The following ZPBP variants were observed in gnomAD, a reference collection of about 807,000 sequenced individuals.
The protein encoded by ZPBP is zona pellucida binding protein.
In ZPBP, 26 loss-of-function variants were observed where a neutral mutation model predicts 44.8. The ratio of observed to expected loss-of-function variants is 0.58; its 90% confidence interval spans 0.43 to 0.81. The LOEUF is 0.81. Ranked by LOEUF, ZPBP falls within the 30% of genes least tolerant of loss-of-function variation. ZPBP has a pLI of 0.00. For missense variants in ZPBP, 409 were observed against 434.0 expected (o/e 0.94, Z 0.51); for synonymous variants, 174 against 153.2 (o/e 1.14, Z -1.00).
intron 3 of ZPBP, among the ~76,000 whole-genome samples, chr7:50,076,316 T>C (rs570195058): frequency 2.0e-5 from 3 of 152,052 alleles, no homozygotes; most frequent in African/African-American, 7.2e-5. Context: ...AGTATCATAC[T>C]GAATGGAGAA....
intron 7 of ZPBP, among the ~76,000 whole-genome samples, chr7:49,939,590 A>C (rs1022280249): frequency 9.2e-5 from 14 of 152,180 alleles, no homozygotes; most frequent in African/African-American, 3.4e-4. Context: ...TAAAGTACAA[A>C]AAAAAGTTAT....
intron 1 of ZPBP, among the ~76,000 whole-genome samples, chr7:50,091,073 A>C (rs1482463615): frequency 4.0e-5 from 6 of 151,792 alleles, no homozygotes; most frequent in Admixed American, 2.6e-4. Flanking sequence ...AGTGATGTTG[A>C]GCATTTTTTC....
the ZPBP span, among the ~76,000 whole-genome samples, chr7:49,841,074 G>A: frequency 3.3e-5 from 5 of 152,220 alleles, no homozygotes; most frequent in African/African-American, 1.2e-4. Flanking sequence ...CCAGAGGAAT[G>A]TGGACTGGAA....
At chr7:49,950,926 G>A (rs983432156) in intron 7 of ZPBP, among the ~76,000 whole-genome samples, 3 of 151,720 alleles carry the variant, frequency 2.0e-5, no homozygotes, top group South Asian at 2.1e-4. Context: ...AAACAGAATA[G>A]TGCACATAAA....
chr7:49,898,327 A>G lies in ZPBP; in HGVS notation n.509+2791T>C, dbSNP rs1459847659. On this transcript the variant is annotated intron_variant and non_coding_transcript_variant, in intron 2 of 2. Coordinates refer to the ZPBP transcript ENST00000465922. ...AAAACATCGAAGTTTTTTTTTTTAA[A>G]AAAACCTTCACTTATTCTTTCTATG... 3.9e-5 allele frequency among the ~76,000 whole-genome samples: 6 copies of G among 152,066 alleles called. No individual in the cohort carries two copies. The East Asian group carries it at 1.2e-3, about 29-fold the overall frequency.
rs1554361029 is a variant in ZPBP, at chr7:49,981,602, A to AGTTATAT, written c.961+1739_961+1740insATATAAC. ...AAATTATATATTATATAATTATATAAATTATATAATTATATTATATTATAT... is the reference window on the plus strand; with the variant it reads ...AAATTATATATTATATAATTATATAAGTTATATATTATATAATTATATTATATTATAT... On this transcript the variant is annotated intron_variant, in intron 7 of 7. Coordinates refer to ENST00000046087, the MANE Select transcript of ZPBP (RefSeq NM_007009.3). 5.5e-5 allele frequency among the ~76,000 whole-genome samples: 2 copies of AGTTATAT among 36,072 alleles called. 1 individual carries two copies. The highest frequency in any genetic ancestry group is 2.8e-4 in the African/African-American group (2 of 7,092). The allele number at this position is 36,072 out of a possible 152,430, so 23.7% of individuals were successfully genotyped here. A position where few individuals can be genotyped will look rare whatever the true frequency, so the allele number is the denominator to read the frequency against.
chr7:49,903,954 T>C (rs1312913122), intron 1 of ZPBP, among the ~76,000 whole-genome samples: 1 of 152,110 alleles, frequency 6.6e-6, no homozygotes, highest in Non-Finnish European at 1.5e-5. Context: ...GGCTCACAGA[T>C]TGGTTGGATC....
chr7:49,980,339 T>C (rs1315759550), intron 7 of ZPBP, among the ~76,000 whole-genome samples: 2 of 137,886 alleles, frequency 1.5e-5, no homozygotes, highest in East Asian at 4.0e-4. Flanking sequence ...ATATATTATA[T>C]AATACATAAT....
intron 7 of ZPBP, among the ~76,000 whole-genome samples, chr7:49,969,565 A>C (rs529409520): frequency 6.6e-6 from 1 of 151,540 alleles, no homozygotes; most frequent in South Asian, 2.1e-4. Context: ...GAAGAGAAAA[A>C]AGAAAGATAA....
chr7:50,007,332 G>T (rs1353310183), intron 6 of ZPBP, among the ~76,000 whole-genome samples: 1 of 151,986 alleles, frequency 6.6e-6, no homozygotes, highest in African/African-American at 2.4e-5. Context: ...TACAAAGCCT[G>T]CATCATGAAG....
At chr7:49,983,619 T>C in intron 6 of ZPBP, 100 bp from the exon 7 acceptor site, 2 of 718,800 alleles carry the variant, frequency 2.8e-6, no homozygotes, top group Non-Finnish European at 4.5e-6. Flanking sequence ...GAAAACAAAG[T>C]CTCAAGGTCA....
intron 7 of ZPBP, among the ~76,000 whole-genome samples, chr7:49,947,652 T>C (rs1267401185): frequency 6.6e-6 from 1 of 152,200 alleles, no homozygotes; most frequent in African/African-American, 2.4e-5. Flanking sequence ...CTGCACTGGG[T>C]CAGACCTGAA....
chr7:49,879,749 T>C (rs958250861), intron 2 of ZPBP, among the ~76,000 whole-genome samples: 3 of 152,204 alleles, frequency 2.0e-5, no homozygotes, highest in African/African-American at 7.2e-5. Flanking sequence ...TGGTTATTTT[T>C]TTAAATAGGC....
chr7:49,940,613 T>A (rs1351088085), intron 7 of ZPBP: 2 of 254,240 alleles, frequency 7.9e-6, no homozygotes, highest in East Asian at 1.8e-4. Flanking sequence ...ACAAGAGCTA[T>A]GGAAACCAGC....
intron 3 of ZPBP, among the ~76,000 whole-genome samples, chr7:50,068,229 G>A (rs1418714630): frequency 2.6e-5 from 4 of 152,104 alleles, no homozygotes; most frequent in African/African-American, 4.8e-5. Context: ...CTTATTGGAC[G>A]CCAGGTGGTT....
chr7:49,860,472 T>C (rs971390055), intron 2 of ZPBP, among the ~76,000 whole-genome samples: 3 of 152,232 alleles, frequency 2.0e-5, no homozygotes, highest in Admixed American at 6.5e-5. Context: ...ATTGTATGTA[T>C]ATGCCGTGAT....
At chr7:50,009,949 T>G (rs1798495472) in intron 6 of ZPBP, among the ~76,000 whole-genome samples, 1 of 152,074 alleles carries the variant, frequency 6.6e-6, no homozygotes, top group Non-Finnish European at 1.5e-5. Flanking sequence ...AAAAGATCTG[T>G]ATACTGAAAA....
chr7:49,962,122 G>A (rs543310131), intron 7 of ZPBP, among the ~76,000 whole-genome samples: 1 of 151,970 alleles, frequency 6.6e-6, no homozygotes, highest in East Asian at 1.9e-4. Flanking sequence ...GAAAAGGCAA[G>A]AAGAGGAAAG....
chr7:50,009,737 G>A (rs889264834), intron 6 of ZPBP, among the ~76,000 whole-genome samples: 1 of 151,688 alleles, frequency 6.6e-6, no homozygotes. Flanking sequence ...CCCAAAGAAT[G>A]CAAAACAAAA....
Sources: allele counts gnomAD v4.1 joint callset (sites outside exome capture counted in the v4.1 genomes callset), GRCh38; gene constraint gnomAD v4.1.1; transcripts MANE v1.5; gene names NCBI Gene and HGNC (gene_info 2026-07-23, HGNC 2026-07-21).